The following IQSEC1 variants were observed in gnomAD, a reference collection of about 807,000 sequenced individuals.
The protein encoded by IQSEC1 is IQ motif and Sec7 domain ArfGEF 1.
In IQSEC1, 31 loss-of-function variants were observed where a neutral mutation model predicts 91.0. The observed-to-expected ratio is 0.34, with a 90% CI of 0.26 to 0.46. The LOEUF (loss-of-function observed/expected upper bound fraction) is 0.46. IQSEC1 is among the 20% of genes least tolerant of loss of function. The pLI, the probability that IQSEC1 is intolerant of heterozygous loss-of-function variation, is 1.00. For synonymous variants in IQSEC1, 699 were observed against 662.6 expected (o/e 1.05, Z -0.84); for missense variants, 1,388 against 1,575.6 (o/e 0.88, Z 2.02).
At chr3:13,112,670 A>T (rs1045107213) in intron 2 of IQSEC1, among the ~76,000 whole-genome samples, 1 of 152,200 alleles carries the variant, frequency 6.6e-6, no homozygotes, top group Admixed American at 6.5e-5. Context: ...CCCGCAGCAG[A>T]GTGTGGGCTG....
chr3:13,041,574 G>A (rs747465481), intron 1 of IQSEC1, among the ~76,000 whole-genome samples: 1 of 152,140 alleles, frequency 6.6e-6, no homozygotes, highest in African/African-American at 2.4e-5. Context: ...TGACCATGGC[G>A]ACGGCTCCAT....
intron 1 of IQSEC1, among the ~76,000 whole-genome samples, chr3:13,241,925 C>G (rs1695027557): frequency 6.6e-6 from 1 of 152,244 alleles, no homozygotes; most frequent in African/African-American, 2.4e-5. Flanking sequence ...GGTGGCGCCA[C>G]TGAGTGAATG....
At position 13,219,002 on chromosome 3, in the gene IQSEC1, G is replaced by A. The variant is rs1056446823; in HGVS notation, c.273-54869C>T. ...CACGTGCACCCAAAATGCTCTTGTC[G>A]CCACAGCCACCCTGGTCCAGGCCAG... On this transcript the variant is annotated intron_variant, in intron 1 of 15. Transcript: ENST00000648114. Among the ~76,000 whole-genome samples the A allele has an allele frequency of 3.9e-5, 6 of 152,112 alleles. No homozygotes were observed. In the East Asian group the frequency reaches 5.8e-4, roughly 15 times the overall value.
At chr3:13,177,881 G>A (rs1693769186) in intron 1 of IQSEC1, among the ~76,000 whole-genome samples, 1 of 152,204 alleles carries the variant, frequency 6.6e-6, no homozygotes, top group Admixed American at 6.5e-5. Flanking sequence ...ACTCTTGGAG[G>A]ATACCAACAG....
At chr3:12,936,844 G>A (rs1698250545) in intron 2 of IQSEC1, 147 bp from the exon 3 acceptor site, 5 of 670,308 alleles carry the variant, frequency 7.5e-6, no homozygotes, top group Admixed American at 6.1e-5. Flanking sequence ...GGATGCTGGT[G>A]GGCTTATGCA....
At chr3:13,189,889 A>C (rs1693992649) in intron 1 of IQSEC1, among the ~76,000 whole-genome samples, 1 of 152,210 alleles carries the variant, frequency 6.6e-6, no homozygotes, top group Admixed American at 6.5e-5. Flanking sequence ...CATCTAGGCC[A>C]GTTGCTGGGG....
chr3:13,213,640 C>A (rs9814792), intron 1 of IQSEC1, among the ~76,000 whole-genome samples: 69,867 of 151,956 alleles, frequency 0.46, 17,110 homozygotes, highest in African/African-American at 0.64. Flanking sequence ...GATCATATTA[C>A]ACCTGCTGAA....
At chr3:13,113,102 C>T (rs1328139628) in intron 2 of IQSEC1, among the ~76,000 whole-genome samples, 1 of 152,184 alleles carries the variant, frequency 6.6e-6, no homozygotes, top group Non-Finnish European at 1.5e-5. Flanking sequence ...GTGTGGGCTG[C>T]CACTAGCTGC....
intron 2 of IQSEC1, among the ~76,000 whole-genome samples, chr3:13,088,468 A>G (rs1705778750): frequency 6.7e-6 from 1 of 148,850 alleles, no homozygotes; most frequent in South Asian, 2.1e-4. Context: ...CCACCCACTC[A>G]CTCTCACTCC....
At chr3:12,993,599 G>A (rs1559705884) in intron 1 of IQSEC1, among the ~76,000 whole-genome samples, 2 of 152,208 alleles carry the variant, frequency 1.3e-5, no homozygotes, top group African/African-American at 4.8e-5. Flanking sequence ...CTGATGAAGA[G>A]ATGGAGCACC....
chr3:12,902,244 ACTC>A (rs568556042), intron 13 of IQSEC1, among the ~76,000 whole-genome samples: 12 of 151,520 alleles, frequency 7.9e-5, no homozygotes, highest in East Asian at 3.9e-4. Context: ...CTCTCAAGAC[ACTC>A]CTCCTCCCAC....
intron 2 of IQSEC1, among the ~76,000 whole-genome samples, chr3:13,129,655 A>ATT (rs35069619): frequency 0.15 from 17,960 of 118,222 alleles, 2,188 homozygotes; most frequent in African/African-American, 0.3. Flanking sequence ...CATCTTATGA[A>ATT]TTTTTTTTTT....
intron 1 of IQSEC1, among the ~76,000 whole-genome samples, chr3:13,034,426 G>A (rs560027347): frequency 2.5e-4 from 38 of 152,330 alleles, no homozygotes; most frequent in Non-Finnish European, 4.9e-4. Context: ...ACGTTTCCCC[G>A]AATCAAATCT....
Position 13,025,262 on chromosome 3 carries a change from C to T in IQSEC1, c.23+47730G>A, listed in dbSNP as rs575842470. Among the ~76,000 whole-genome samples the T allele has an allele frequency of 1.1e-4, 16 of 152,374 alleles. No homozygotes were observed. In the South Asian group the frequency reaches 1.7e-3, roughly 16 times the overall value. On this transcript the variant is annotated intron_variant, in intron 1 of 13. Transcript: ENST00000613206. ...ATCTCCCCAGCCACAAGGCCAAAGC[C>T]GGGCTCTGCAGAGAACTGGCTCGCC...
intron 1 of IQSEC1, among the ~76,000 whole-genome samples, chr3:13,063,257 T>C (rs1298873473): frequency 1.3e-5 from 2 of 152,266 alleles, no homozygotes; most frequent in African/African-American, 4.8e-5. Context: ...CAGTGACAAG[T>C]CAATTCACTG....
chr3:13,079,279 C>T (rs1705612364), intron 2 of IQSEC1, among the ~76,000 whole-genome samples: 2 of 152,254 alleles, frequency 1.3e-5, no homozygotes, highest in South Asian at 2.1e-4. Flanking sequence ...CTCCATCTGC[C>T]CAGTCCTGCA....
chr3:12,987,442 CAG>C (rs774039983), intron 1 of IQSEC1, among the ~76,000 whole-genome samples: 56 of 149,462 alleles, frequency 3.7e-4, no homozygotes, highest in Admixed American at 5.3e-4. Flanking sequence ...GTGCATGTGT[CAG>C]AGAGAGAGAG....
intron 1 of IQSEC1, among the ~76,000 whole-genome samples, chr3:13,194,423 G>C (rs2125039534): frequency 6.6e-6 from 1 of 152,270 alleles, no homozygotes. Context: ...CCTGTCCCCT[G>C]TCCCTCAGGT....
upstream of IQSEC1, among the ~76,000 whole-genome samples, chr3:13,073,621 C>T (rs1384160032): frequency 1.3e-5 from 2 of 152,248 alleles, no homozygotes; most frequent in Non-Finnish European, 2.9e-5. Context: ...CCCTTCCTGG[C>T]CCGCGCTGGA....
Sources: allele counts gnomAD v4.1 joint callset (sites outside exome capture counted in the v4.1 genomes callset), GRCh38; gene constraint gnomAD v4.1.1; transcripts MANE v1.5; gene names NCBI Gene and HGNC (gene_info 2026-07-23, HGNC 2026-07-21).